Variants in LMO7 observed in about 807,000 individuals in gnomAD.
LMO7 encodes LIM domain only protein 7.
In LMO7, 120 loss-of-function variants were observed where a neutral mutation model predicts 206.5. The ratio of observed to expected loss-of-function variants is 0.58; its 90% CI spans 0.50 to 0.68. The LOEUF is 0.68. Ranked by LOEUF, LMO7 falls within the 30% of genes least tolerant of loss-of-function variation. The pLI, the probability that LMO7 is intolerant of heterozygous loss-of-function variation, is 0.00. For synonymous variants in LMO7, 706 were observed against 681.5 expected (o/e 1.04, Z -0.56); for missense variants, 1,959 against 1,957.9 (o/e 1.00, Z -0.01).
intron 5 of LMO7, among the ~76,000 whole-genome samples, 197 bp downstream of exon 5, chr13:75,795,628 T>C (rs573527450): frequency 6.6e-6 from 1 of 152,342 alleles, no homozygotes; most frequent in East Asian, 1.9e-4. Context: ...CTCCCACTTA[T>C]AAGGGAGAAC....
At chr13:75,747,171 G>A (rs915994082) in intron 3 of LMO7, among the ~76,000 whole-genome samples, 1 of 152,104 alleles carries the variant, frequency 6.6e-6, no homozygotes, top group African/African-American at 2.4e-5. Flanking sequence ...AATCAGTTAC[G>A]TGAGTTGAGG....
chr13:75,657,643 G>C (rs2038184231), intron 1 of LMO7, among the ~76,000 whole-genome samples: 1 of 152,094 alleles, frequency 6.6e-6, no homozygotes. Context: ...CCAACTTATG[G>C]TTTTTAAATT....
intron 15 of LMO7, among the ~76,000 whole-genome samples, chr13:75,829,291 G>A (rs1398326567): frequency 1.3e-5 from 2 of 152,152 alleles, no homozygotes; most frequent in Non-Finnish European, 2.9e-5. Flanking sequence ...TTCCCAGAAA[G>A]CAAGAATAGT....
chr13:75,768,194 G>C (rs2139934367), intron 4 of LMO7, among the ~76,000 whole-genome samples: 1 of 152,086 alleles, frequency 6.6e-6, no homozygotes, highest in Non-Finnish European at 1.5e-5. Flanking sequence ...GTCTCCTGTA[G>C]GAAAACACAG....
At chr13:75,772,439 A>G (rs2049881950) in intron 4 of LMO7, among the ~76,000 whole-genome samples, 1 of 152,120 alleles carries the variant, frequency 6.6e-6, no homozygotes, top group African/African-American at 2.4e-5. Flanking sequence ...AATAGAAAGA[A>G]ATTGTTTGAA....
At chr13:75,765,067 C>T (rs1381646402) in intron 4 of LMO7, among the ~76,000 whole-genome samples, 1 of 152,070 alleles carries the variant, frequency 6.6e-6, no homozygotes, top group East Asian at 1.9e-4. Flanking sequence ...ATAAAAGAGT[C>T]TCAAAATGAT....
chr13:75,806,142 T>C (rs2055430833), intron 9 of LMO7: 2 of 1,014,054 alleles, frequency 2.0e-6, no homozygotes, highest in Non-Finnish European at 2.4e-6. Flanking sequence ...AAGCAGAGCA[T>C]AGGCTAGACG....
rs763224538 is a variant in LMO7 at position 75,805,679 on chromosome 13, G to A, written c.1115G>A (p.Cys372Tyr). The change falls in exon 9 of 31, where the codon TGT (cysteine) becomes TAT (tyrosine). Residue 372 changes from cysteine (C) to tyrosine (Y), a missense_variant. Transcript: ENST00000377534. ...GNAFDQFLPKCWTPEDVNWKR... is the reference protein window; with the variant it reads ...GNAFDQFLPKYWTPEDVNWKR... ...GCTTTTGATCAGTTTCTTCCCAAAT[G>A]TTGGACCCCAGAAGATGTGAACTGG... 5 of 1,614,048 alleles carry A rather than the reference G, an allele frequency of 3.1e-6. No homozygotes were observed. The highest frequency in any genetic ancestry group is 2.2e-5 in the South Asian group (2 of 91,088).
intron 4 of LMO7, among the ~76,000 whole-genome samples, chr13:75,775,414 G>GA (rs1337993709): frequency 6.6e-6 from 1 of 151,976 alleles, no homozygotes; most frequent in East Asian, 1.9e-4. Flanking sequence ...AATTTATGAC[G>GA]AAGTCCTTAA....
At position 75,737,787 on chromosome 13, in the gene LMO7, A is replaced by AAC. The variant is rs1270886957; in HGVS notation, c.210+10690_210+10691insCA. ...AAAAATAAAATAAAATAAAATAAAAAAAAAAAAAAAAAAACTTTTTACTTT... is the reference window on the plus strand; with the variant it reads ...AAAAATAAAATAAAATAAAATAAAAAACAAAAAAAAAAAAAACTTTTTACTTT... On this transcript the variant is annotated intron_variant, in intron 3 of 30. Coordinates refer to ENST00000377534, the MANE Select transcript of LMO7 (RefSeq NM_001306080.2). 9.0e-5 allele frequency among the ~76,000 whole-genome samples: 10 copies of AAC among 110,804 alleles called. 1 individual carries two copies. Among genetic ancestry groups the AAC allele is most frequent in the African/African-American group, 1.7e-4 (5 of 28,872 alleles). The allele number at this position is 110,804 out of a possible 152,430, so 72.7% of individuals were successfully genotyped here.
At chr13:75,823,975 C>T (rs924304811) in intron 15 of LMO7, 102 bp downstream of exon 15, 1 of 935,848 alleles carries the variant, frequency 1.1e-6, no homozygotes, top group Non-Finnish European at 1.6e-6. Flanking sequence ...TTAATCTGGG[C>T]TGAAAATGTG....
At chr13:75,719,524 C>T (rs2043845247) in intron 2 of LMO7, among the ~76,000 whole-genome samples, 1 of 152,076 alleles carries the variant, frequency 6.6e-6, no homozygotes, top group South Asian at 2.1e-4. Flanking sequence ...GGTGGATTTC[C>T]CCCATGCTGT....
rs2138633866 is a variant in LMO7 at position 75,826,529 on chromosome 13, G to A, written c.2949+2656G>A. On this transcript the variant is annotated intron_variant, in intron 15 of 30. Transcript: ENST00000377534. ...AGTGGCACTGTGTGGTTTGCTGAAT[G>A]GAGTTCGTGGCGCTCAGGGAAGCAG... is the stretch of plus-strand genomic sequence containing the variant. Among the ~76,000 whole-genome samples the A allele has an allele frequency of 1.3e-5, 2 of 152,276 alleles. 1 individual carries two copies. The highest frequency in any genetic ancestry group is 4.1e-4 in the South Asian group (2 of 4,824).
intron 2 of LMO7, among the ~76,000 whole-genome samples, chr13:75,717,915 C>T (rs1012390347): frequency 6.6e-6 from 1 of 152,232 alleles, no homozygotes; most frequent in African/African-American, 2.4e-5. Flanking sequence ...ACTATTAACC[C>T]TGATCTGTTT....
At chr13:75,782,196 G>T (rs1258492242) in intron 4 of LMO7, among the ~76,000 whole-genome samples, 1 of 152,102 alleles carries the variant, frequency 6.6e-6, no homozygotes, top group African/African-American at 2.4e-5. Flanking sequence ...GTGAAAATTT[G>T]GTAACAAAAT....
At chr13:75,758,114 T>G (rs1185551117) in intron 3 of LMO7, among the ~76,000 whole-genome samples, 2 of 152,122 alleles carry the variant, frequency 1.3e-5, no homozygotes, top group Non-Finnish European at 2.9e-5. Context: ...ACACAGTTGT[T>G]TAGGGACAAA....
At chr13:75,847,286 G>T (rs1177545507) in intron 26 of LMO7, among the ~76,000 whole-genome samples, 1 of 152,134 alleles carries the variant, frequency 6.6e-6, no homozygotes, top group Non-Finnish European at 1.5e-5. Context: ...AAAGTTGTGG[G>T]TGTTTTACCC....
chr13:75,648,626 T>C (rs921668304), intron 1 of LMO7, among the ~76,000 whole-genome samples: 2 of 152,242 alleles, frequency 1.3e-5, no homozygotes, highest in African/African-American at 4.8e-5. Context: ...GGACTTAATA[T>C]GGCATGTAGT....
rs1594498181 is a variant in LMO7, at chr13:75,719,036, A to G, written c.140+5784A>G. 2.0e-5 allele frequency among the ~76,000 whole-genome samples: 3 copies of G among 150,178 alleles called. 1 individual carries two copies. The highest frequency in any genetic ancestry group is 2.0e-4 in the Admixed American group (3 of 15,104). On this transcript the variant is annotated intron_variant, in intron 2 of 30. Coordinates refer to ENST00000377534, the MANE Select transcript of LMO7 (RefSeq NM_001306080.2). ...CTCTTGTCCCCCAGGCTGGAGTGCAATGGCGCGATCTCGGCTTACTGCAAC... is the reference window on the plus strand; with the variant it reads ...CTCTTGTCCCCCAGGCTGGAGTGCAGTGGCGCGATCTCGGCTTACTGCAAC...
Sources: gnomAD v4.1 joint callset for allele counts (sites outside exome capture counted in the v4.1 genomes callset) on GRCh38, gnomAD v4.1.1 for gene constraint, MANE v1.5 for transcripts, NCBI Gene and HGNC (gene_info 2026-07-23, HGNC 2026-07-21) for gene names.